The following DPP6 variants were observed in gnomAD, a reference collection of about 807,000 sequenced individuals.
DPP6 encodes A-type potassium channel modulatory protein DPP6.
A neutral mutation model predicts 122.6 loss-of-function variants in DPP6; 69 were observed. That is an observed-to-expected ratio of 0.56 (90% confidence interval 0.46 to 0.69). DPP6 has a LOEUF of 0.69. DPP6 is among the 30% of genes least tolerant of loss of function. The probability of loss-of-function intolerance (pLI) is 0.00; values close to 1 mark genes in which losing one functional copy is unlikely to be tolerated. For missense variants in DPP6, 928 were observed against 1,116.9 expected, an observed-to-expected ratio of 0.83 and a Z score of 2.41; for synonymous variants, 418 against 433.1, an observed-to-expected ratio of 0.97 and a Z score of 0.43.
intron 1 of DPP6, among the ~76,000 whole-genome samples, chr7:154,410,658 T>TAA (rs1229369389): frequency 6.6e-6 from 1 of 152,246 alleles, no homozygotes; most frequent in Non-Finnish European, 1.5e-5. Flanking sequence ...TAAGGATCTT[T>TAA]CATCGAAGGA....
At chr7:154,184,542 G>T (rs1798258121) in intron 1 of DPP6, among the ~76,000 whole-genome samples, 1 of 152,062 alleles carries the variant, frequency 6.6e-6, no homozygotes, top group Non-Finnish European at 1.5e-5. Flanking sequence ...GCAGCTGCAA[G>T]GGGCACACAC....
intron 8 of DPP6, among the ~76,000 whole-genome samples, chr7:154,749,503 G>A (rs1843240463): frequency 7.0e-6 from 1 of 142,770 alleles, no homozygotes; most frequent in African/African-American, 2.6e-5. Context: ...AGGGATGGAG[G>A]CTTTACTGAG....
At position 154,828,154 on chromosome 7, in the gene DPP6, T is replaced by G. The variant is rs549651664; in HGVS notation, c.1666+21042T>G. ...AATTTCCTGAATGTAACGGTAATGC[T>G]GTGGTTCTGGAGGAGAACGCCTTAT... On this transcript the variant is annotated intron_variant, in intron 16 of 25. Transcript: ENST00000377770. Among the ~76,000 whole-genome samples the G allele has an allele frequency of 7.2e-5, 11 of 152,288 alleles. No homozygotes were observed. In the South Asian group the frequency reaches 2.3e-3, roughly 32 times the overall value.
At chr7:154,123,855 G>C (rs1445424980) in intron 1 of DPP6, among the ~76,000 whole-genome samples, 1 of 146,710 alleles carries the variant, frequency 6.8e-6, no homozygotes, top group Non-Finnish European at 1.5e-5. Context: ...GGCTTACCTG[G>C]GGACACTCAC....
chr7:154,845,614 G>C (rs1051647477), intron 16 of DPP6, among the ~76,000 whole-genome samples: 1 of 152,118 alleles, frequency 6.6e-6, no homozygotes, highest in East Asian at 1.9e-4. Flanking sequence ...TATACATATG[G>C]AACAAACCTG....
intron 1 of DPP6, among the ~76,000 whole-genome samples, chr7:154,005,074 C>T (rs1330308139): frequency 6.6e-6 from 1 of 151,990 alleles, no homozygotes; most frequent in Non-Finnish European, 1.5e-5. Context: ...TGTTTCATGA[C>T]CTACAAAAAG....
At position 153,967,415 on chromosome 7, in the gene DPP6, G is replaced by A. The variant is rs375941654; in HGVS notation, c.51+79681G>A. 1.1e-4 allele frequency among the ~76,000 whole-genome samples: 17 copies of A among 152,282 alleles called. No homozygotes were observed. In the South Asian group the frequency reaches 3.1e-3, roughly 28 times the overall value. On this transcript the variant is annotated intron_variant, in intron 1 of 25. Transcript: ENST00000404039. ...AAAGAGGCCGGAGCATGAACAAGGAGCATCTAACTTCAGCCTGACAGGACA... is the reference window on the plus strand; with the variant it reads ...AAAGAGGCCGGAGCATGAACAAGGAACATCTAACTTCAGCCTGACAGGACA...
chr7:154,213,390 G>A (rs73485487), intron 1 of DPP6, among the ~76,000 whole-genome samples: 7,073 of 152,262 alleles, frequency 0.046, 279 homozygotes, highest in African/African-American at 0.11. Context: ...TTGTTTCTCT[G>A]CCCTGACTTA....
chr7:154,729,647 C>T (rs1190369148), intron 8 of DPP6, among the ~76,000 whole-genome samples: 4 of 152,252 alleles, frequency 2.6e-5, no homozygotes, highest in South Asian at 4.2e-4. Flanking sequence ...GAGACTGCCA[C>T]GGTCCTGGGG....
At chr7:154,131,626 A>G (rs1795289769) in intron 1 of DPP6, among the ~76,000 whole-genome samples, 1 of 152,302 alleles carries the variant, frequency 6.6e-6, no homozygotes, top group Non-Finnish European at 1.5e-5. Flanking sequence ...TGTTTGATTA[A>G]ATCAATAAGT....
intron 8 of DPP6, among the ~76,000 whole-genome samples, chr7:154,765,895 T>C (rs1795866759): frequency 6.6e-6 from 1 of 152,252 alleles, no homozygotes. Context: ...TCTGCAAAAC[T>C]CTGCTTCTAA....
intron 1 of DPP6, among the ~76,000 whole-genome samples, chr7:154,120,426 A>G (rs540941251): frequency 3.3e-5 from 5 of 151,932 alleles, no homozygotes; most frequent in African/African-American, 1.2e-4. Context: ...TTTTATTTTT[A>G]GTAGAGACGG....
At chr7:154,345,335 C>T (rs556956578) in intron 1 of DPP6, among the ~76,000 whole-genome samples, 3 of 152,220 alleles carry the variant, frequency 2.0e-5, no homozygotes, top group South Asian at 2.1e-4. Context: ...ACTAGGGTGA[C>T]GATTTCAGCA....
chr7:153,961,664 T>C (rs1056458487), intron 1 of DPP6, among the ~76,000 whole-genome samples: 1 of 151,810 alleles, frequency 6.6e-6, no homozygotes, highest in Non-Finnish European at 1.5e-5. Context: ...ATGAAATAAC[T>C]GTACAACTCC....
At position 154,323,198 on chromosome 7, in the gene DPP6, A is replaced by AT. The variant is rs565883878; in HGVS notation, c.244-123015dup. 2.4e-4 allele frequency among the ~76,000 whole-genome samples: 36 copies of AT among 152,304 alleles called. 1 individual carries two copies. In the South Asian group the frequency reaches 7.0e-3, roughly 30 times the overall value. On this transcript the variant is annotated intron_variant, in intron 1 of 25. Transcript: ENST00000377770. ...TAAGCTTGACAATAAAACTGTGAGG[A>AT]TATTGTTCATTTCCGAGATTCACTT...
At chr7:153,924,177 G>A (rs147343722) in intron 1 of DPP6, among the ~76,000 whole-genome samples, 36 of 151,718 alleles carry the variant, frequency 2.4e-4, no homozygotes, top group African/African-American at 7.3e-4. Context: ...GTGCAATGGC[G>A]CGATCCCTGT....
chr7:154,138,832 A>T (rs529003630), intron 1 of DPP6, among the ~76,000 whole-genome samples: 1 of 152,204 alleles, frequency 6.6e-6, no homozygotes, highest in Admixed American at 6.5e-5. Context: ...CACAAAGAAC[A>T]TTCAGGCCAT....
At chr7:154,892,254 A>G in intron 25 of DPP6, 80 bp from the exon 26 acceptor site, 8 of 1,588,750 alleles carry the variant, frequency 5.0e-6, no homozygotes, top group Non-Finnish European at 6.0e-6. Context: ...AGGTTTCACT[A>G]AACTCCACAC....
intron 1 of DPP6, among the ~76,000 whole-genome samples, chr7:153,924,519 C>A (rs76342997): frequency 0.066 from 10,010 of 152,234 alleles, 346 homozygotes; most frequent in African/African-American, 0.085. Context: ...GGCCAGCCTT[C>A]CCACCTTCTG....
Sources: allele counts gnomAD v4.1 joint callset (sites outside exome capture counted in the v4.1 genomes callset), GRCh38; gene constraint gnomAD v4.1.1; transcripts MANE v1.5; gene names NCBI Gene and HGNC (gene_info 2026-07-23, HGNC 2026-07-21).